Variants in LOC400499 observed in about 807,000 individuals in gnomAD.
the LOC400499 span, chr16:11,478,427 C>G: frequency 2.5e-6 from 1 of 398,086 alleles, no homozygotes; most frequent in East Asian, 3.6e-5. Context: ...AACGGAAGAG[C>G]TGGGATTGGA....
At chr16:11,473,891 G>T in the LOC400499 span, among the ~76,000 whole-genome samples, 1 of 152,300 alleles carries the variant, frequency 6.6e-6, no homozygotes, top group East Asian at 1.9e-4. Context: ...AATCCTCCTT[G>T]GTCACCCCGG....
chr16:11,379,653 A>T, the LOC400499 span, among the ~76,000 whole-genome samples: 1 of 152,244 alleles, frequency 6.6e-6, no homozygotes, highest in Non-Finnish European at 1.5e-5. Flanking sequence ...ACTCCAGCAC[A>T]TTACTGACGG....
At chr16:11,520,620 T>C in the LOC400499 span, among the ~76,000 whole-genome samples, 8 of 144,026 alleles carry the variant, frequency 5.6e-5, no homozygotes, top group African/African-American at 1.9e-4. Context: ...TGAGCTGAGA[T>C]TGTGCTATTG....
At chr16:11,510,458 T>A in the LOC400499 span, among the ~76,000 whole-genome samples, 1 of 151,796 alleles carries the variant, frequency 6.6e-6, no homozygotes, top group Admixed American at 6.5e-5. Context: ...TGACCTTGTC[T>A]TATCCTTCAT....
At chr16:11,402,037 C>T in the LOC400499 span, 3 of 399,210 alleles carry the variant, frequency 7.5e-6, no homozygotes, top group Non-Finnish European at 1.3e-5. Flanking sequence ...TGACACTTAC[C>T]TGGTCCCTGC....
At chr16:11,450,523 G>C in the LOC400499 span, 10 of 1,342,522 alleles carry the variant, frequency 7.4e-6, no homozygotes, top group East Asian at 7.5e-5. Context: ...TCTGCCCACA[G>C]ACCTCAGCTT....
chr16:11,412,565 A>C, the LOC400499 span, among the ~76,000 whole-genome samples: 1 of 152,248 alleles, frequency 6.6e-6, no homozygotes, highest in African/African-American at 2.4e-5. Flanking sequence ...CCCCAGGCCT[A>C]AGGGCAGTAA....
the LOC400499 span, among the ~76,000 whole-genome samples, chr16:11,394,681 G>A: frequency 1.3e-5 from 2 of 152,226 alleles, no homozygotes; most frequent in Admixed American, 6.5e-5. Flanking sequence ...AATGAATGCT[G>A]TCCCTGTGAG....
At chr16:11,485,169 G>C in the LOC400499 span, 1 of 397,980 alleles carries the variant, frequency 2.5e-6, no homozygotes, top group African/African-American at 2.1e-5. Flanking sequence ...GACCCAGAAG[G>C]CTTGAGCACG....
At chr16:11,488,484 A>G in the LOC400499 span, among the ~76,000 whole-genome samples, 1 of 152,076 alleles carries the variant, frequency 6.6e-6, no homozygotes, top group African/African-American at 2.4e-5. Context: ...CAGTGGTGCA[A>G]TCATGACTCA....
At chr16:11,462,428 C>T in the LOC400499 span, 6 of 1,286,396 alleles carry the variant, frequency 4.7e-6, no homozygotes, top group African/African-American at 6.1e-5. Context: ...CCGATCCTTA[C>T]CCAATTTTTC....
chr16:11,479,970 G>T, the LOC400499 span, among the ~76,000 whole-genome samples: 2 of 152,114 alleles, frequency 1.3e-5, no homozygotes, highest in Admixed American at 6.5e-5. Flanking sequence ...TGGAAATTGG[G>T]AGATTTGATA....
chr16:11,403,370 T>C, the LOC400499 span, among the ~76,000 whole-genome samples: 1 of 152,204 alleles, frequency 6.6e-6, no homozygotes, highest in Non-Finnish European at 1.5e-5. Context: ...CAACACCGTG[T>C]GGGGCTGCAG....
the LOC400499 span, among the ~76,000 whole-genome samples, chr16:11,390,853 A>C: frequency 6.6e-6 from 1 of 152,106 alleles, no homozygotes; most frequent in African/African-American, 2.4e-5. Flanking sequence ...CCCCAATAAA[A>C]ACCCTGGGTG....
chr16:11,385,283 C>A, the LOC400499 span: 1 of 1,232,296 alleles, frequency 8.1e-7, no homozygotes, highest in African/African-American at 1.5e-5. Context: ...CCGAGCCTGT[C>A]CGACTCAGCG....
chr16:11,466,941 G>A, the LOC400499 span, among the ~76,000 whole-genome samples: 2 of 150,002 alleles, frequency 1.3e-5, no homozygotes, highest in African/African-American at 2.4e-5. Context: ...GTGTGTGTAT[G>A]CACGCACACA....
chr16:11,479,675 G>C, the LOC400499 span, among the ~76,000 whole-genome samples: 1 of 152,082 alleles, frequency 6.6e-6, no homozygotes, highest in Non-Finnish European at 1.5e-5. Context: ...ACAGTACAGA[G>C]AGTTCCCACG....
At chr16:11,445,834 CTT>C in the LOC400499 span, among the ~76,000 whole-genome samples, 3 of 143,996 alleles carry the variant, frequency 2.1e-5, no homozygotes, top group Non-Finnish European at 3.0e-5. Flanking sequence ...TCAGGAGAAC[CTT>C]TTTTTTTTTT....
the LOC400499 span, among the ~76,000 whole-genome samples, chr16:11,415,693 G>A: frequency 1.3e-5 from 2 of 152,310 alleles, no homozygotes; most frequent in African/African-American, 2.4e-5. Flanking sequence ...ATCCCCAGGA[G>A]GTAGGGACAA....
Sources: gnomAD v4.1 joint callset for allele counts (sites outside exome capture counted in the v4.1 genomes callset) on GRCh38, gnomAD v4.1.1 for gene constraint, MANE v1.5 for transcripts.